The following TAF1B variants were observed in gnomAD, a reference collection of about 807,000 sequenced individuals.
TAF1B encodes TATA-box binding protein associated factor, RNA polymerase I subunit B.
TAF1B carries 61 observed loss-of-function variants against 83.9 expected under a neutral mutation model. The ratio of observed to expected loss-of-function variants is 0.73; its 90% confidence interval spans 0.59 to 0.90. The LOEUF (loss-of-function observed/expected upper bound fraction) is 0.90. Ranked by LOEUF, TAF1B falls within the 40% of genes least tolerant of loss-of-function variation. The pLI is 0.00. For missense variants in TAF1B, 625 were observed against 677.0 expected, an observed-to-expected ratio of 0.92 and a Z score of 0.85; for synonymous variants, 221 against 224.6, an observed-to-expected ratio of 0.98 and a Z score of 0.14.
intron 8 of TAF1B, among the ~76,000 whole-genome samples, chr2:9,889,971 G>A (rs1347240850): frequency 6.6e-6 from 1 of 152,056 alleles, no homozygotes; most frequent in African/African-American, 2.4e-5. Flanking sequence ...TCTCATACAT[G>A]CACATATTGA....
Position 9,914,781 on chromosome 2 carries a change from A to G in TAF1B, c.1271+1532A>G, listed in dbSNP as rs1665633982. On this transcript the variant is annotated intron_variant, in intron 12 of 14. Coordinates refer to ENST00000263663, the MANE Select transcript of TAF1B (RefSeq NM_005680.3). The surrounding 1 kb of genome is among the most constrained non-coding windows in gnomAD (Gnocchi z 4.3). ...TTTCCAAGGTCCTTCTTCCTAGAGT[A>G]TGTGCTGAGGGCTGACACACACGTG... is the stretch of plus-strand genomic sequence containing the variant. 1.3e-5 allele frequency among the ~76,000 whole-genome samples: 2 copies of G among 152,228 alleles called. No homozygotes were observed. The highest frequency in any genetic ancestry group is 1.9e-4 in the East Asian group (1 of 5,180).
chr2:9,884,153 G>A (rs757674112), intron 8 of TAF1B, among the ~76,000 whole-genome samples: 2 of 152,226 alleles, frequency 1.3e-5, no homozygotes, highest in Admixed American at 6.5e-5. Flanking sequence ...GATTGCCAGC[G>A]ATCCGCGAGG....
intron 3 of TAF1B, among the ~76,000 whole-genome samples, chr2:9,850,517 A>G (rs1368789554): frequency 6.6e-6 from 1 of 152,192 alleles, no homozygotes; most frequent in Non-Finnish European, 1.5e-5. Flanking sequence ...TTTTGAGACA[A>G]TTCGAGACCC....
At chr2:9,926,684 C>CA (rs1666049415) in intron 14 of TAF1B, among the ~76,000 whole-genome samples, 1 of 150,898 alleles carries the variant, frequency 6.6e-6, no homozygotes, top group African/African-American at 2.4e-5. Flanking sequence ...ACTAAAAATA[C>CA]AAAAATTAGC....
chr2:9,894,495 T>C (rs1664960551), intron 8 of TAF1B, among the ~76,000 whole-genome samples: 1 of 152,216 alleles, frequency 6.6e-6, no homozygotes, highest in African/African-American at 2.4e-5. Flanking sequence ...GTATCATTCA[T>C]ATGAAAAAGT....
At chr2:9,883,753 G>A (rs757987410) in intron 8 of TAF1B, among the ~76,000 whole-genome samples, 6 of 152,224 alleles carry the variant, frequency 3.9e-5, no homozygotes, top group African/African-American at 9.6e-5. Context: ...TGCTTCCAAA[G>A]GGAAAATTTG....
At chr2:9,850,033 G>A (rs200710751) in intron 3 of TAF1B, among the ~76,000 whole-genome samples, 5 of 82,412 alleles carry the variant, frequency 6.1e-5, no homozygotes, top group East Asian at 7.1e-4. Context: ...ATATATGTGT[G>A]TGTGTGTGTG....
intron 5 of TAF1B, among the ~76,000 whole-genome samples, chr2:9,857,382 C>A (rs541408709): frequency 2.4e-4 from 36 of 152,204 alleles, no homozygotes; most frequent in Admixed American, 1.8e-3. Context: ...ATAGAGCCAA[C>A]AGAACTTCCT....
At chr2:9,872,142 G>T (rs981088830) in intron 6 of TAF1B, among the ~76,000 whole-genome samples, 2 of 151,836 alleles carry the variant, frequency 1.3e-5, no homozygotes, top group East Asian at 3.9e-4. Flanking sequence ...CCTGGCCAAC[G>T]TAGTGAAACT....
chr2:9,845,368 A>G lies in TAF1B; in HGVS notation c.117+50A>G, dbSNP rs150139627. 3.5e-4 allele frequency: 524 copies of G among 1,499,152 alleles called. No individual in the cohort carries two copies. In the East Asian group the frequency reaches 7.3e-3, roughly 21 times the overall value. The allele number at this position is 1,499,152 out of a possible 1,614,324, so 92.9% of individuals were successfully genotyped here. On this transcript the variant is annotated intron_variant, in intron 2 of 14. Coordinates refer to ENST00000263663, the MANE Select transcript of TAF1B (RefSeq NM_005680.3). ...ATTTGCTTATGTTTTAAAAATTGCCATTTCAGCCTGATATGTAGTCTAAGT... is the reference window on the plus strand; with the variant it reads ...ATTTGCTTATGTTTTAAAAATTGCCGTTTCAGCCTGATATGTAGTCTAAGT...
chr2:9,905,925 A>G (rs1665326786), intron 9 of TAF1B, among the ~76,000 whole-genome samples: 1 of 152,232 alleles, frequency 6.6e-6, no homozygotes, highest in Non-Finnish European at 1.5e-5. Context: ...TTCTAAAGCT[A>G]AGGAATATGG....
intron 8 of TAF1B, among the ~76,000 whole-genome samples, chr2:9,892,119 A>G (rs1044941165): frequency 3.3e-5 from 5 of 152,186 alleles, no homozygotes; most frequent in African/African-American, 1.2e-4. Context: ...CAGTTTGTTT[A>G]TACTGTATTT....
chr2:9,856,756 G>A (rs1406007205), intron 5 of TAF1B, among the ~76,000 whole-genome samples: 2 of 152,056 alleles, frequency 1.3e-5, no homozygotes, highest in Non-Finnish European at 2.9e-5. Context: ...AGCAATATTA[G>A]CATCACGCTA....
At chr2:9,888,790 G>GT (rs56125595) in intron 8 of TAF1B, among the ~76,000 whole-genome samples, 875 of 81,228 alleles carry the variant, frequency 0.011, 14 homozygotes, top group Middle Eastern at 0.014. Flanking sequence ...CTTCTGCTTG[G>GT]TTTTTTTTTT....
At chr2:9,848,992 C>T (rs1036769997) in intron 2 of TAF1B, among the ~76,000 whole-genome samples, 3 of 152,154 alleles carry the variant, frequency 2.0e-5, no homozygotes, top group Non-Finnish European at 4.4e-5. Context: ...GTAGTTTAGG[C>T]ATTACCAGTT....
At chr2:9,904,745 C>T (rs1180886731) in intron 8 of TAF1B, 114 bp from the exon 9 acceptor site, 12 of 1,024,450 alleles carry the variant, frequency 1.2e-5, no homozygotes, top group East Asian at 2.6e-5. Flanking sequence ...ACAACTTCAC[C>T]AGCATCTGTT....
rs373662518 is a variant in TAF1B, at chr2:9,875,814, G to C, written c.554-51G>C. On this transcript the variant is annotated intron_variant, in intron 6 of 14. Transcript: ENST00000263663. ...TTAGATTTTTTGCTGTTTTTCTTTT[G>C]TTATCCAAATAGTTCACTGGATTTT... The C allele has an allele frequency of 9.3e-6, 14 of 1,506,776 alleles. No individual in the cohort carries two copies. In the Admixed American group the frequency reaches 1.8e-4, roughly 19 times the overall value. 93.3% of individuals were successfully genotyped at this position (1,506,776 alleles called of 1,614,324 possible).
At chr2:9,881,399 C>T (rs971355213) in intron 7 of TAF1B, among the ~76,000 whole-genome samples, 26 of 152,010 alleles carry the variant, frequency 1.7e-4, no homozygotes, top group African/African-American at 6.0e-4. Context: ...AGCCAAATGT[C>T]AGCCCAGCTC....
chr2:9,871,553 C>G (rs544971347), intron 6 of TAF1B, among the ~76,000 whole-genome samples: 2 of 152,130 alleles, frequency 1.3e-5, no homozygotes, highest in East Asian at 3.9e-4. Context: ...TTGTTTTGGC[C>G]TCTGCTTTTT....
Sources: gnomAD v4.1 joint callset for allele counts (sites outside exome capture counted in the v4.1 genomes callset) on GRCh38, gnomAD v4.1.1 for gene constraint, Gnocchi (gnomAD v3.1) non-coding constraint, MANE v1.5 for transcripts, NCBI Gene and HGNC (gene_info 2026-07-23, HGNC 2026-07-21) for gene names.